Variants in SLC7A11 observed in about 807,000 individuals in gnomAD.
SLC7A11 encodes the protein cystine/glutamate transporter.
A neutral mutation model predicts 54.5 loss-of-function variants in SLC7A11; 35 were observed. The ratio of observed to expected loss-of-function variants is 0.64; its 90% CI spans 0.49 to 0.85. SLC7A11 has a LOEUF of 0.85. Among genes scored for constraint, SLC7A11 ranks in the 40% least tolerant of loss-of-function variants. The pLI is 0.00. For missense variants in SLC7A11, 583 were observed against 618.1 expected, an observed-to-expected ratio of 0.94 and a Z score of 0.60; for synonymous variants, 230 against 225.2, an observed-to-expected ratio of 1.02 and a Z score of -0.19.
chr4:138,172,934 C>T (rs1395318396), intron 11 of SLC7A11, among the ~76,000 whole-genome samples: 1 of 152,066 alleles, frequency 6.6e-6, no homozygotes, highest in East Asian at 1.9e-4. Flanking sequence ...ACCTCCACCT[C>T]CCAGATTCAC....
intron 6 of SLC7A11, among the ~76,000 whole-genome samples, chr4:138,201,921 C>A (rs1438811976): frequency 6.6e-6 from 1 of 152,018 alleles, no homozygotes; most frequent in Non-Finnish European, 1.5e-5. Flanking sequence ...AGGATCGCTC[C>A]CTCTCTTTCT....
At chr4:138,201,917 G>A (rs1048464447) in intron 6 of SLC7A11, among the ~76,000 whole-genome samples, 15 of 152,048 alleles carry the variant, frequency 9.9e-5, no homozygotes, top group East Asian at 3.9e-4. Flanking sequence ...GACAAGGATC[G>A]CTCCCTCTCT....
intron 6 of SLC7A11, among the ~76,000 whole-genome samples, chr4:138,185,573 AAC>A (rs1489353958): frequency 6.6e-6 from 1 of 152,110 alleles, no homozygotes; most frequent in African/African-American, 2.4e-5. Flanking sequence ...GGCTTGTTAA[AAC>A]ACAGACTGCT....
At chr4:138,190,785 T>A (rs984367678) in intron 6 of SLC7A11, among the ~76,000 whole-genome samples, 1 of 152,132 alleles carries the variant, frequency 6.6e-6, no homozygotes, top group Non-Finnish European at 1.5e-5. Context: ...GGAACAGTCC[T>A]ATCTGCCTCT....
intron 6 of SLC7A11, among the ~76,000 whole-genome samples, chr4:138,201,106 C>T (rs1216416761): frequency 1.3e-5 from 2 of 152,062 alleles, no homozygotes; most frequent in African/African-American, 4.8e-5. Flanking sequence ...AATGACTTTG[C>T]TCATAAAATC....
Position 138,207,378 on chromosome 4 carries a change from G to A in SLC7A11, c.791+7207C>T, listed in dbSNP as rs1426605526. On this transcript the variant is annotated intron_variant, in intron 6 of 11. Coordinates refer to ENST00000280612, the MANE Select transcript of SLC7A11 (RefSeq NM_014331.4). ...CGACTATTAAGTTAGAAAACTAAAT[G>A]CATATAAAGAGGAATATTTGTCTCT... Among the ~76,000 whole-genome samples, 5 of 152,006 alleles carry A rather than the reference G, an allele frequency of 3.3e-5. No individual in the cohort carries two copies. The South Asian group carries it at 8.3e-4, about 25-fold the overall frequency.
intron 11 of SLC7A11, chr4:138,175,847 A>G (rs1396295777): frequency 5.9e-5 from 9 of 152,170 alleles, no homozygotes; most frequent in Non-Finnish European, 1.5e-5. Context: ...CCTAGGTAAA[A>G]TGCATTTTGA....
At chr4:138,208,621 C>T (rs535422159) in intron 6 of SLC7A11, among the ~76,000 whole-genome samples, 1 of 152,130 alleles carries the variant, frequency 6.6e-6, no homozygotes, top group East Asian at 1.9e-4. Context: ...ATTATTACTA[C>T]TATATATATG....
At chr4:138,225,585 TAA>T (rs1578667091) in intron 3 of SLC7A11, among the ~76,000 whole-genome samples, 2 of 152,046 alleles carry the variant, frequency 1.3e-5, no homozygotes, top group East Asian at 3.9e-4. Context: ...ATATGGAAAA[TAA>T]GTTAGTGTAA....
chr4:138,232,360 A>G lies in SLC7A11; in HGVS notation c.427T>C (p.Ser143Pro), dbSNP rs1396553567. ...AGAATGTAGCGTCCAAATGCCAGGG[A>G]TATCACAGCAGTAGCTGCAGGGCTA... is the stretch of plus-strand genomic sequence containing the variant. ...IIRPAATAVI[S>P]LAFGRYILEP... Residue 143 changes from serine to proline, a missense_variant, in exon 3 of 12, where the codon TCC becomes CCC. Transcript: ENST00000280612. 1.2e-6 allele frequency: 2 copies of G among 1,611,038 alleles called. No homozygotes were observed.
At chr4:138,187,266 G>C (rs1181827366) in intron 6 of SLC7A11, among the ~76,000 whole-genome samples, 2 of 152,062 alleles carry the variant, frequency 1.3e-5, no homozygotes, top group Non-Finnish European at 2.9e-5. Context: ...TAACCTTCTA[G>C]GTTGGTTTCC....
chr4:138,173,699 C>T (rs1049852505), intron 11 of SLC7A11, among the ~76,000 whole-genome samples: 1 of 151,816 alleles, frequency 6.6e-6, no homozygotes, highest in African/African-American at 2.4e-5. Flanking sequence ...CTGTCCTCAG[C>T]CCACTAATTT....
chr4:138,210,802 G>A (rs554317621), intron 6 of SLC7A11, among the ~76,000 whole-genome samples: 1 of 152,214 alleles, frequency 6.6e-6, no homozygotes, highest in African/African-American at 2.4e-5. Context: ...TGGTGGGAAT[G>A]TAAATTAGTT....
Position 138,232,380 on chromosome 4 carries a change from G to T in SLC7A11, c.407C>A (p.Pro136His). Residue 136 changes from proline (P) to histidine (H), a missense_variant and splice_region_variant, in exon 3 of 12, where the codon CCT (proline) becomes CAT (histidine). Transcript: ENST00000280612. ...RVWVELLIIR[P>H]AATAVISLAF... The stretch of plus-strand genomic sequence containing the variant: ...CAGGGATATCACAGCAGTAGCTGCA[G>T]GGCTAAAAAAAAATGTATATATTTA... 1 of 1,573,790 alleles carries T rather than the reference G, an allele frequency of 6.4e-7. No homozygotes were observed. The highest frequency in any genetic ancestry group is 2.2e-5 in the East Asian group (1 of 44,654).
Position 138,185,202 on chromosome 4 carries a change from G to T in SLC7A11, c.834C>A (p.Thr278=). Residue 278 remains threonine (T), a synonymous_variant, in exon 7 of 12, where the codon ACC becomes ACA. Transcript: ENST00000280612. ...LAICISMAIV[T]IGYVLTNVAY... is the part of the protein sequence containing the mutation. ...CCACATTTGTCAGCACATAGCCAATGGTGACAATGGCCATGGATATACATA... is the reference window on the plus strand; with the variant it reads ...CCACATTTGTCAGCACATAGCCAATTGTGACAATGGCCATGGATATACATA... The T allele has an allele frequency of 6.2e-7, 1 of 1,612,778 alleles. No homozygotes were observed. The highest frequency in any genetic ancestry group is 8.5e-7 in the Non-Finnish European group (1 of 1,179,072).
At chr4:138,240,565 C>A (rs75161130) in intron 1 of SLC7A11, among the ~76,000 whole-genome samples, 295 of 133,862 alleles carry the variant, frequency 2.2e-3, no homozygotes, top group Middle Eastern at 3.9e-3. Flanking sequence ...GTCTCTGTCT[C>A]AAAAAAAAAA....
At chr4:138,192,801 C>T (rs1055975520) in intron 6 of SLC7A11, among the ~76,000 whole-genome samples, 3 of 152,032 alleles carry the variant, frequency 2.0e-5, no homozygotes, top group African/African-American at 7.2e-5. Flanking sequence ...GAAAGATAGA[C>T]CCCATTGTTT....
intron 6 of SLC7A11, among the ~76,000 whole-genome samples, chr4:138,200,442 C>T (rs1239112091): frequency 1.2e-4 from 18 of 152,106 alleles, no homozygotes. Context: ...AAGTCAAATG[C>T]AGGCAAATTT....
In SLC7A11 at chr4:138,171,213, C is replaced by A. The variant is rs1736416772; in HGVS notation, c.*743G>T. ...TGTGTTATACACTTTCCTGATCAAA[C>A]TGATGTGAAAAAAAAAAATGACAGA... On this transcript the variant is annotated 3_prime_UTR_variant, in exon 12 of 12. Transcript: ENST00000280612. 6.6e-6 allele frequency: 1 copy of A among 151,054 alleles called. No individual in the cohort carries two copies. Among genetic ancestry groups the A allele is most frequent in the African/African-American group, 2.4e-5 (1 of 40,952 alleles). 9.4% of individuals were successfully genotyped at this position (151,054 alleles called of 1,614,324 possible).
Sources: allele counts gnomAD v4.1 joint callset (sites outside exome capture counted in the v4.1 genomes callset), GRCh38; gene constraint gnomAD v4.1.1; transcripts MANE v1.5; gene names NCBI Gene and HGNC (gene_info 2026-07-23, HGNC 2026-07-21).